Variants in KIF13A observed in about 807,000 individuals in gnomAD.
The protein encoded by KIF13A is kinesin family member 13A, also known as kinesin-like protein KIF13A.
KIF13A carries 79 observed loss-of-function variants against 212.2 expected under a neutral mutation model. The ratio of observed to expected loss-of-function variants is 0.37; its 90% CI spans 0.31 to 0.45. The LOEUF (loss-of-function observed/expected upper bound fraction) is 0.45, where lower values mean the gene tolerates loss of function less well. Among genes scored for constraint, KIF13A ranks in the 20% least tolerant of loss-of-function variants. KIF13A has a pLI of 1.00. For missense variants in KIF13A, 1,901 were observed against 2,209.0 expected (o/e 0.86, Z 2.79); for synonymous variants, 789 against 808.6 (o/e 0.98, Z 0.41).
intron 3 of KIF13A, among the ~76,000 whole-genome samples, chr6:17,896,648 G>A (rs1458455640): frequency 6.6e-6 from 1 of 152,172 alleles, no homozygotes; most frequent in African/African-American, 2.4e-5. Flanking sequence ...TCTTAGGAAC[G>A]ATCAATAGGA....
In KIF13A at chr6:17,987,287, A is replaced by T. The variant is rs1781660711; in HGVS notation, c.55+122T>A. 1.2e-6 allele frequency: 1 copy of T among 853,448 alleles called. No individual in the cohort carries two copies. Among genetic ancestry groups the T allele is most frequent in the African/African-American group, 1.9e-5 (1 of 53,858 alleles). 52.9% of individuals were successfully genotyped at this position (853,448 alleles called of 1,614,324 possible). A position where few individuals can be genotyped will look rare whatever the true frequency, so the allele number is the denominator to read the frequency against. On this transcript the variant is annotated intron_variant, in intron 1 of 38. Coordinates refer to ENST00000259711, the MANE Select transcript of KIF13A (RefSeq NM_022113.6). This position sits in a 1 kb window ranked among gnomAD's most constrained non-coding sequence, Gnocchi z 7.7. ...GCCCCGGGCACCACGGCCAGCGCGG[A>T]CGCCGCCTCCGCCCCGGCCCCCCGG...
Position 17,777,351 on chromosome 6 carries a change from C to A in KIF13A, c.4096G>T (p.Val1366Phe). ...ILSLERLRQA[V>F]TVKEALSTKA... Reference sequence around the variant, plus strand: ...GTGGAAAGTGCTTCTTTGACTGTGACGGCCTGTAAACATAATAATTTGAAA... The same window carrying A: ...GTGGAAAGTGCTTCTTTGACTGTGAAGGCCTGTAAACATAATAATTTGAAA... The change falls in exon 34 of 39, where the codon GTC (valine) becomes TTC (phenylalanine). Residue 1366 changes from valine (V) to phenylalanine (F), a missense_variant. Val to Phe is a conservative substitution (Grantham distance 50). Around this residue, in one of 5 missense-constraint regions of KIF13A, gnomAD observed 687 missense variants for 759.1 expected, o/e 0.90. Coordinates refer to ENST00000259711, the MANE Select transcript of KIF13A (RefSeq NM_022113.6). This position sits in a 1 kb window ranked among gnomAD's most constrained non-coding sequence, Gnocchi z 4.4. The A allele has an allele frequency of 6.2e-7, 1 of 1,609,848 alleles. No individual in the cohort carries two copies. Among genetic ancestry groups the A allele is most frequent in the Non-Finnish European group, 8.5e-7 (1 of 1,177,398 alleles).
chr6:17,819,426 G>A (rs527674678), intron 16 of KIF13A, among the ~76,000 whole-genome samples: 134 of 152,168 alleles, frequency 8.8e-4, no homozygotes, highest in African/African-American at 3.1e-3. Context: ...AGTCAGGCGT[G>A]GTGGCATGTG....
In KIF13A at chr6:17,777,390, T is replaced by TC; in HGVS notation, c.4093-37_4093-36insG. ...AATAATTTGAAAATAACACTTTTTT[T>TC]TTTTTTCCCCAGAGACAGAGTCTCA... On this transcript the variant is annotated intron_variant, in intron 33 of 38. Coordinates refer to ENST00000259711, the MANE Select transcript of KIF13A (RefSeq NM_022113.6). The surrounding 1 kb of genome is among the most constrained non-coding windows in gnomAD (Gnocchi z 4.4). 1 of 1,532,860 alleles carries TC rather than the reference T, an allele frequency of 6.5e-7. No homozygotes were observed. Among genetic ancestry groups the TC allele is most frequent in the South Asian group, 1.2e-5 (1 of 84,840 alleles). 95.0% of individuals were successfully genotyped at this position (1,532,860 alleles called of 1,614,324 possible).
chr6:17,836,818 G>A lies in KIF13A; in HGVS notation c.1155+60C>T, dbSNP rs903164331. ...TACAATTGCAAATGAGCACACCCTT[G>A]CCAGTCAAATCCCGCAAGCCAGGGA... is the stretch of plus-strand genomic sequence containing the variant. On this transcript the variant is annotated intron_variant, in intron 11 of 38. Transcript: ENST00000259711. The A allele has an allele frequency of 4.3e-5, 63 of 1,462,820 alleles. 1 individual carries two copies. Among genetic ancestry groups the A allele is most frequent in the East Asian group, 3.2e-4 (14 of 44,170 alleles). 90.6% of individuals were successfully genotyped at this position (1,462,820 alleles called of 1,614,324 possible).
chr6:17,778,900 G>A (rs994905568), intron 33 of KIF13A, 47 bp downstream of exon 33: 10 of 1,545,646 alleles, frequency 6.5e-6, no homozygotes, highest in Non-Finnish European at 8.8e-6. Flanking sequence ...TCCATTGGGG[G>A]TGAAGGCTGG....
Position 17,769,136 on chromosome 6 carries a change from C to T in KIF13A, c.4581+1978G>A, listed in dbSNP as rs1038716488. The stretch of plus-strand genomic sequence containing the variant: ...TGTTCAAGAGTGGAAGAGAAAAGAA[C>T]GTGAATTAGTCACAAAGGAAGAAAA... On this transcript the variant is annotated intron_variant, in intron 38 of 38. Coordinates refer to ENST00000259711, the MANE Select transcript of KIF13A (RefSeq NM_022113.6). This position sits in a 1 kb window ranked among gnomAD's most constrained non-coding sequence, Gnocchi z 5.8. Among the ~76,000 whole-genome samples the T allele has an allele frequency of 3.3e-5, 5 of 152,060 alleles. No homozygotes were observed. Among genetic ancestry groups the T allele is most frequent in the Admixed American group, 6.6e-5 (1 of 15,252 alleles).
chr6:17,933,236 G>A (rs548279210), intron 2 of KIF13A, among the ~76,000 whole-genome samples: 1 of 152,160 alleles, frequency 6.6e-6, no homozygotes, highest in African/African-American at 2.4e-5. Flanking sequence ...ACCTATAAAA[G>A]ATGTACTGGT....
At chr6:17,781,322 G>GA (rs1760554671) in intron 29 of KIF13A, 21 bp from the exon 30 acceptor site, 2 of 1,540,082 alleles carry the variant, frequency 1.3e-6, no homozygotes, top group Non-Finnish European at 1.7e-6. Context: ...CAGGAGCACA[G>GA]AAAAAACAGT....
intron 2 of KIF13A, among the ~76,000 whole-genome samples, chr6:17,975,401 C>G (rs1780276563): frequency 6.6e-6 from 1 of 152,130 alleles, no homozygotes; most frequent in Admixed American, 6.5e-5. Context: ...GTTGGCGCGT[C>G]TGGAGTTTTT....
chr6:17,863,519 C>T (rs974178144), intron 4 of KIF13A, among the ~76,000 whole-genome samples: 1 of 151,876 alleles, frequency 6.6e-6, no homozygotes, highest in African/African-American at 2.4e-5. Context: ...GAACTCGTGG[C>T]CGGAGTTATA....
chr6:17,835,195 CAAAAAAAAAAAAAAAA>C (rs61697144), intron 11 of KIF13A, among the ~76,000 whole-genome samples: 22 of 45,942 alleles, frequency 4.8e-4, no homozygotes, highest in East Asian at 9.7e-4. Context: ...CCGCCCCCGC[CAAAAAAAAAAAAAAAA>C]AAAAAAAAAA....
chr6:17,957,635 C>T (rs1282904761), intron 2 of KIF13A, among the ~76,000 whole-genome samples: 1 of 152,154 alleles, frequency 6.6e-6, no homozygotes, highest in Non-Finnish European at 1.5e-5. Flanking sequence ...ACTGAGCCCT[C>T]AACCCGTGGG....
rs1033388671 is a variant in KIF13A, at chr6:17,826,908, AT to A, written c.1533-785del. On this transcript the variant is annotated intron_variant, in intron 14 of 38. Transcript: ENST00000259711. The surrounding 1 kb of genome is among the most constrained non-coding windows in gnomAD (Gnocchi z 4.7). ...AAAATCTGGAATCTACTTTAAAATA[AT>A]TTTTTTTTCTGGGCATGGTGGTGGG... is the stretch of plus-strand genomic sequence containing the variant. Among the ~76,000 whole-genome samples, 19 of 151,158 alleles carry A rather than the reference AT, an allele frequency of 1.3e-4. No individual in the cohort carries two copies. The highest frequency in any genetic ancestry group is 4.1e-4 in the African/African-American group (17 of 41,256).
intron 2 of KIF13A, among the ~76,000 whole-genome samples, chr6:17,980,115 A>G (rs1325443960): frequency 6.6e-6 from 1 of 152,160 alleles, no homozygotes; most frequent in Non-Finnish European, 1.5e-5. Context: ...AAAAATAGGG[A>G]AAAAACTTCT....
At chr6:17,913,914 G>A (rs1774278378) in intron 2 of KIF13A, among the ~76,000 whole-genome samples, 1 of 152,208 alleles carries the variant, frequency 6.6e-6, no homozygotes, top group African/African-American at 2.4e-5. Flanking sequence ...AGCACAAGCT[G>A]AGGCTCAGTG....
chr6:17,929,886 T>G (rs550020530), intron 2 of KIF13A, among the ~76,000 whole-genome samples: 3 of 152,158 alleles, frequency 2.0e-5, no homozygotes, highest in Non-Finnish European at 2.9e-5. Context: ...AATGAGGCAC[T>G]ACATGCAAAC....
In KIF13A at chr6:17,772,236, G is replaced by C. The variant is rs553467494; in HGVS notation, c.4325-177C>G. Among the ~76,000 whole-genome samples the C allele has an allele frequency of 1.3e-5, 2 of 152,076 alleles. No individual in the cohort carries two copies. Among genetic ancestry groups the C allele is most frequent in the Non-Finnish European group, 2.9e-5 (2 of 67,972 alleles). On this transcript the variant is annotated intron_variant, in intron 36 of 38. Transcript: ENST00000259711. The surrounding 1 kb of genome is among the most constrained non-coding windows in gnomAD (Gnocchi z 4.8). ...CACCCTGTGCAACATAGGGACACCA[G>C]TCTGTGAAAAAAAAAATAAACAGAT...
chr6:17,794,567 A>G lies in KIF13A; in HGVS notation c.3075+5T>C. Reference sequence around the variant, plus strand: ...TTAAAAAAAAACCCAAAACAAACTCAGTACCTGTCTAAGTTGAAAGATGCC... The same window carrying G: ...TTAAAAAAAAACCCAAAACAAACTCGGTACCTGTCTAAGTTGAAAGATGCC... On this transcript the variant is annotated splice_donor_5th_base_variant and intron_variant, in intron 24 of 38. Coordinates refer to ENST00000259711, the MANE Select transcript of KIF13A (RefSeq NM_022113.6). This position sits in a 1 kb window ranked among gnomAD's most constrained non-coding sequence, Gnocchi z 4.1. 1 of 1,597,644 alleles carries G rather than the reference A, an allele frequency of 6.3e-7. No individual in the cohort carries two copies. Among genetic ancestry groups the G allele is most frequent in the Non-Finnish European group, 8.5e-7 (1 of 1,175,340 alleles).
Sources: allele counts gnomAD v4.1 joint callset (sites outside exome capture counted in the v4.1 genomes callset), GRCh38; gene constraint gnomAD v4.1.1; regional missense constraint gnomAD v4.1.1; non-coding constraint Gnocchi (gnomAD v3.1); transcripts MANE v1.5; gene names NCBI Gene and HGNC (gene_info 2026-07-23, HGNC 2026-07-21).